MYO18B: variants seen among roughly 807,000 people sequenced by gnomAD.
MYO18B encodes myosin XVIIIB.
A neutral mutation model predicts 273.0 loss-of-function variants in MYO18B; 204 were observed. The observed-to-expected ratio is 0.75, with a 90% CI of 0.67 to 0.84. MYO18B has a LOEUF of 0.84. Among genes scored for constraint, MYO18B ranks in the 40% least tolerant of loss-of-function variants. The pLI is 0.00. For missense variants in MYO18B, 3,212 were observed against 3,287.6 expected (o/e 0.98, Z 0.56); for synonymous variants, 1,330 against 1,305.7 (o/e 1.02, Z -0.40).
intron 12 of MYO18B, among the ~76,000 whole-genome samples, chr22:25,807,613 A>G (rs909589059): frequency 3.3e-5 from 5 of 152,092 alleles, no homozygotes; most frequent in African/African-American, 7.2e-5. Context: ...GGGCTTCCTT[A>G]TGGCATGGTG....
chr22:26,055,868 A>C, the MYO18B span, among the ~76,000 whole-genome samples: 1 of 152,230 alleles, frequency 6.6e-6, no homozygotes, highest in African/African-American at 2.4e-5. Context: ...TTTAGATGTC[A>C]AACTGGCTTG....
chr22:25,758,134 A>C (rs939761326), intron 1 of MYO18B, among the ~76,000 whole-genome samples: 1 of 152,026 alleles, frequency 6.6e-6, no homozygotes, highest in Admixed American at 6.6e-5. Flanking sequence ...CCACATCAGC[A>C]TCCCGAATAG....
intron 40 of MYO18B, 93 bp downstream of exon 40, chr22:25,992,586 A>G: frequency 6.5e-7 from 1 of 1,537,024 alleles, no homozygotes; most frequent in Non-Finnish European, 8.9e-7. Context: ...GGCCACATTC[A>G]CTGGGAAACC....
At chr22:25,772,579 A>G in intron 7 of MYO18B, 69 bp downstream of exon 7, 1 of 1,459,066 alleles carries the variant, frequency 6.9e-7, no homozygotes, top group Middle Eastern at 2.4e-4. Flanking sequence ...ATCCCTCTGC[A>G]TCTGAGGTGA....
intron 6 of MYO18B, 83 bp from the exon 7 acceptor site, chr22:25,772,250 GT>G: frequency 2.3e-6 from 3 of 1,296,962 alleles, no homozygotes; most frequent in Non-Finnish European, 3.2e-6. Flanking sequence ...GGCTTAGTGT[GT>G]GTTTGGTTGC....
At chr22:25,850,278 G>A (rs2090386260) in intron 20 of MYO18B, among the ~76,000 whole-genome samples, 1 of 152,110 alleles carries the variant, frequency 6.6e-6, no homozygotes, top group Non-Finnish European at 1.5e-5. Flanking sequence ...GGCTCTTCTT[G>A]TACCCAGGGA....
At chr22:25,889,405 C>G (rs939370260) in intron 25 of MYO18B, among the ~76,000 whole-genome samples, 1 of 152,122 alleles carries the variant, frequency 6.6e-6, no homozygotes, top group Non-Finnish European at 1.5e-5. Flanking sequence ...ATTCTAACAT[C>G]TTCACATGCA....
At chr22:26,009,656 T>TG (rs1331005369) in intron 42 of MYO18B, among the ~76,000 whole-genome samples, 3 of 152,174 alleles carry the variant, frequency 2.0e-5, no homozygotes, top group African/African-American at 7.2e-5. Flanking sequence ...TCCCCACTGT[T>TG]GAACATTTCA....
intron 1 of MYO18B, among the ~76,000 whole-genome samples, chr22:25,758,317 GTTT>G (rs133870): frequency 7.1e-6 from 1 of 140,994 alleles, no homozygotes; most frequent in Non-Finnish European, 1.5e-5. Context: ...TGGCAGGAAA[GTTT>G]TTTTTTTTTT....
At chr22:25,957,703 A>G (rs771244792) in intron 39 of MYO18B, among the ~76,000 whole-genome samples, 2 of 152,150 alleles carry the variant, frequency 1.3e-5, no homozygotes, top group Non-Finnish European at 2.9e-5. Context: ...TGCCTCTTCC[A>G]GCTTCTGATG....
intron 39 of MYO18B, among the ~76,000 whole-genome samples, chr22:25,977,786 G>A (rs185094507): frequency 1.3e-5 from 2 of 152,326 alleles, no homozygotes; most frequent in East Asian, 1.9e-4. Context: ...TCTATGCAAT[G>A]TGTCAAACAC....
In MYO18B at chr22:25,763,323, G is replaced by T. The variant is rs1010834624; in HGVS notation, c.132G>T (p.Gly44=). ...PGGFIKQLVR[G]TEKEAKEARQ... ...GCTTCATTAAGCAACTGGTCCGGGG[G>T]ACTGAAAAAGAGGCCAAGGAAGCGA... Residue 44 remains glycine, a synonymous_variant, in exon 3 of 44, where the codon GGG becomes GGT. Coordinates refer to ENST00000335473, the MANE Select transcript of MYO18B (RefSeq NM_032608.7). 1.2e-6 allele frequency: 2 copies of T among 1,612,610 alleles called. No homozygotes were observed. The highest frequency in any genetic ancestry group is 1.7e-6 in the Non-Finnish European group (2 of 1,179,654).
intron 27 of MYO18B, among the ~76,000 whole-genome samples, chr22:25,893,609 T>A (rs990140146): frequency 3.3e-5 from 5 of 152,212 alleles, no homozygotes; most frequent in African/African-American, 1.2e-4. Flanking sequence ...GGAGAGATAG[T>A]GTGCTTTTCC....
At chr22:26,021,152 T>A (rs1935783568) in intron 42 of MYO18B, among the ~76,000 whole-genome samples, 1 of 152,132 alleles carries the variant, frequency 6.6e-6, no homozygotes, top group South Asian at 2.1e-4. Flanking sequence ...TGAACTCAGG[T>A]CTCTCTGCAT....
At chr22:25,797,573 C>A (rs2087974807) in intron 11 of MYO18B, among the ~76,000 whole-genome samples, 1 of 152,190 alleles carries the variant, frequency 6.6e-6, no homozygotes, top group Non-Finnish European at 1.5e-5. Flanking sequence ...CCACTTAGCC[C>A]TTTTCATACT....
chr22:25,806,345 G>A (rs1183440224), intron 12 of MYO18B, among the ~76,000 whole-genome samples: 1 of 152,320 alleles, frequency 6.6e-6, no homozygotes. Context: ...CACAGGACAG[G>A]TGGCTCCTGG....
At chr22:25,897,164 A>G (rs2091824431) in intron 28 of MYO18B, 3 of 152,240 alleles carry the variant, frequency 2.0e-5, no homozygotes. Flanking sequence ...CTTCCAAAAC[A>G]TAGGCCTCAT....
chr22:25,899,441 G>A (rs1327309884), intron 29 of MYO18B: 4 of 152,218 alleles, frequency 2.6e-5, no homozygotes, highest in African/African-American at 9.7e-5. Flanking sequence ...GAGCCAAGAT[G>A]TGAATTTGTG....
At chr22:25,789,799 G>C (rs1277363148) in intron 11 of MYO18B, among the ~76,000 whole-genome samples, 2 of 152,138 alleles carry the variant, frequency 1.3e-5, no homozygotes, top group Admixed American at 1.3e-4. Flanking sequence ...ATACCTGCAG[G>C]TGTTCTTCCA....
Sources: gnomAD v4.1 joint callset for allele counts (sites outside exome capture counted in the v4.1 genomes callset) on GRCh38, gnomAD v4.1.1 for gene constraint, MANE v1.5 for transcripts, NCBI Gene and HGNC (gene_info 2026-07-23, HGNC 2026-07-21) for gene names.